The following KAZN variants were observed in gnomAD, a reference collection of about 807,000 sequenced individuals.
KAZN encodes kazrin.
In KAZN, 40 loss-of-function variants were observed where a neutral mutation model predicts 87.4. That is an observed-to-expected ratio of 0.46 (90% confidence interval 0.36 to 0.60). The LOEUF is 0.60. Ranked by LOEUF, KAZN falls within the 20% of genes least tolerant of loss-of-function variation. The probability of loss-of-function intolerance (pLI) is 0.00; values close to 1 mark genes in which losing one functional copy is unlikely to be tolerated. For missense variants in KAZN, 898 were observed against 1,073.9 expected (o/e 0.84, Z 2.29); for synonymous variants, 466 against 458.3 (o/e 1.02, Z -0.22).
chr1:14,159,349 C>A (rs777539529), intron 1 of KAZN, among the ~76,000 whole-genome samples: 18 of 152,188 alleles, frequency 1.2e-4, no homozygotes, highest in Non-Finnish European at 2.2e-4. Context: ...CTTCTCTCCC[C>A]TTTCCAAGGG....
chr1:14,197,120 G>A (rs1041719026), intron 2 of KAZN, among the ~76,000 whole-genome samples: 3 of 152,022 alleles, frequency 2.0e-5, no homozygotes, highest in Admixed American at 6.6e-5. Context: ...GAATGGGGAG[G>A]GGGGTAGAGA....
chr1:14,420,622 C>T (rs1244233387), intron 2 of KAZN, among the ~76,000 whole-genome samples: 4 of 152,230 alleles, frequency 2.6e-5, no homozygotes, highest in Admixed American at 6.5e-5. Flanking sequence ...CAGGCATGGC[C>T]CGCTGCAGGT....
intron 1 of KAZN, among the ~76,000 whole-genome samples, chr1:14,124,065 C>CATTT (rs1238682708): frequency 1.3e-5 from 2 of 152,234 alleles, no homozygotes; most frequent in Non-Finnish European, 2.9e-5. Flanking sequence ...TTCCAAGATG[C>CATTT]ATTTCACATG....
At chr1:14,428,443 A>G (rs1446835241) in intron 2 of KAZN, among the ~76,000 whole-genome samples, 1 of 152,242 alleles carries the variant, frequency 6.6e-6, no homozygotes, top group African/African-American at 2.4e-5. Flanking sequence ...AGATATATTC[A>G]ATCAGATCAA....
chr1:14,145,205 G>C (rs148804500), intron 1 of KAZN, among the ~76,000 whole-genome samples: 4,285 of 152,166 alleles, frequency 0.028, 201 homozygotes, highest in African/African-American at 0.098. Flanking sequence ...CACTTTGGGA[G>C]GCCAAGGTGG....
chr1:14,477,658 C>T (rs757633870), intron 2 of KAZN, among the ~76,000 whole-genome samples: 4 of 152,110 alleles, frequency 2.6e-5, no homozygotes, highest in African/African-American at 9.7e-5. Flanking sequence ...TTCTGCCTTC[C>T]GTAGCAGACG....
In KAZN at chr1:14,193,040, C is replaced by T. The variant is rs111555873; in HGVS notation, c.249+12448C>T. 5.9e-4 allele frequency among the ~76,000 whole-genome samples: 90 copies of T among 152,168 alleles called. 1 individual carries two copies. Among genetic ancestry groups the T allele is most frequent in the African/African-American group, 2.0e-3 (84 of 41,516 alleles). On this transcript the variant is annotated intron_variant, in intron 2 of 16. Transcript: ENST00000636203. Reference sequence around the variant, plus strand: ...GTGATTGGATCATGGGGGCAGTTCCCCCATGCTGTTCTCATGATAATGAGC... The same window carrying T: ...GTGATTGGATCATGGGGGCAGTTCCTCCATGCTGTTCTCATGATAATGAGC...
chr1:14,456,358 G>A (rs953095609), intron 2 of KAZN, among the ~76,000 whole-genome samples: 1 of 152,112 alleles, frequency 6.6e-6, no homozygotes, highest in Non-Finnish European at 1.5e-5. Flanking sequence ...GTTTACGGAG[G>A]TCTCTCCAGT....
chr1:14,310,504 C>T (rs1043499285), intron 2 of KAZN, among the ~76,000 whole-genome samples: 6 of 152,198 alleles, frequency 3.9e-5, no homozygotes, highest in Non-Finnish European at 7.3e-5. Context: ...AAAACACACA[C>T]GCCCACGCAT....
intron 2 of KAZN, among the ~76,000 whole-genome samples, chr1:14,477,618 C>A (rs1668825989): frequency 6.6e-6 from 1 of 152,180 alleles, no homozygotes; most frequent in South Asian, 2.1e-4. Flanking sequence ...GCCTGCAGCA[C>A]AAGCTCCTGG....
rs1020235485 is a variant in KAZN, at chr1:14,184,808, C to T, written c.249+4216C>T. 1.3e-5 allele frequency among the ~76,000 whole-genome samples: 2 copies of T among 152,124 alleles called. No individual in the cohort carries two copies. The highest frequency in any genetic ancestry group is 1.3e-4 in the Admixed American group (2 of 15,266). The stretch of plus-strand genomic sequence containing the variant: ...TCCTGGCAGATAGGGAGGGTTAGCG[C>T]CCCAAAGTCAACATCATCTTGCATT... On this transcript the variant is annotated intron_variant, in intron 2 of 16. Transcript: ENST00000636203. This position sits in a 1 kb window ranked among gnomAD's most constrained non-coding sequence, Gnocchi z 4.2.
At chr1:14,721,019 C>T (rs1002049482) in intron 1 of KAZN, among the ~76,000 whole-genome samples, 4 of 152,188 alleles carry the variant, frequency 2.6e-5, no homozygotes, top group African/African-American at 9.7e-5. Flanking sequence ...CAGAGTCAGG[C>T]ATTTCTTCTT....
chr1:14,098,096 GCC>G (rs1024963231), intron 1 of KAZN, among the ~76,000 whole-genome samples: 63 of 151,984 alleles, frequency 4.1e-4, no homozygotes, highest in African/African-American at 1.3e-3. Context: ...GGAGTCACTC[GCC>G]CAAGTCCTCC....
intron 1 of KAZN, among the ~76,000 whole-genome samples, chr1:14,164,261 TG>T (rs1645771704): frequency 6.6e-6 from 1 of 152,212 alleles, no homozygotes; most frequent in African/African-American, 2.4e-5. Flanking sequence ...GTTGTCACCC[TG>T]GGCACATCCA....
At chr1:15,007,170 C>G (rs1265709158) in intron 2 of KAZN, among the ~76,000 whole-genome samples, 1 of 152,110 alleles carries the variant, frequency 6.6e-6, no homozygotes, top group African/African-American at 2.4e-5. Flanking sequence ...GGGCCAAGCC[C>G]CTGCTGGGAA....
chr1:14,347,125 C>T (rs1032835344), intron 2 of KAZN, among the ~76,000 whole-genome samples: 1 of 152,170 alleles, frequency 6.6e-6, no homozygotes, highest in Non-Finnish European at 1.5e-5. Context: ...ACGGGTGACA[C>T]CTTTGCTTTG....
chr1:15,021,785 G>C lies in KAZN; in HGVS notation c.419-12964G>C, dbSNP rs1670693954. ...CCTGGGACCGGCCTAGCTGTTTCCA[G>C]CCCTTTCTCATTGGAAGCCCTGGCT... On this transcript the variant is annotated intron_variant, in intron 2 of 14. Transcript: ENST00000376030. This position sits in a 1 kb window ranked among gnomAD's most constrained non-coding sequence, Gnocchi z 4.2. Among the ~76,000 whole-genome samples the C allele has an allele frequency of 6.6e-6, 1 of 152,194 alleles. No individual in the cohort carries two copies. The highest frequency in any genetic ancestry group is 2.4e-5 in the African/African-American group (1 of 41,454).
At position 14,610,241 on chromosome 1, in the gene KAZN, T is replaced by C. The variant is rs796863894; in HGVS notation, c.226+11018T>C. Among the ~76,000 whole-genome samples, 10 of 152,328 alleles carry C rather than the reference T, an allele frequency of 6.6e-5. No homozygotes were observed. In the South Asian group the frequency reaches 1.9e-3, roughly 28 times the overall value. ...TTGTTTGTTTGAGACAGAGTCTCATTCTGTCACCCAGGTTGGAGTGCAGTG... is the reference window on the plus strand; with the variant it reads ...TTGTTTGTTTGAGACAGAGTCTCATCCTGTCACCCAGGTTGGAGTGCAGTG... On this transcript the variant is annotated intron_variant, in intron 1 of 14. Coordinates refer to ENST00000376030, the MANE Select transcript of KAZN (RefSeq NM_201628.3).
chr1:13,959,705 C>T (rs1488514460), intron 1 of KAZN, among the ~76,000 whole-genome samples: 1 of 152,122 alleles, frequency 6.6e-6, no homozygotes, highest in Non-Finnish European at 1.5e-5. Flanking sequence ...GAAACCTCAC[C>T]TGACCAGGTG....
Sources: gnomAD v4.1 joint callset for allele counts (sites outside exome capture counted in the v4.1 genomes callset) on GRCh38, gnomAD v4.1.1 for gene constraint, Gnocchi (gnomAD v3.1) non-coding constraint, MANE v1.5 for transcripts, NCBI Gene and HGNC (gene_info 2026-07-23, HGNC 2026-07-21) for gene names.